The following UNC79 variants were observed in gnomAD, a reference collection of about 807,000 sequenced individuals.
UNC79 encodes protein unc-79 homolog.
Under a neutral mutation model 283.1 loss-of-function variants are expected in UNC79, and 37 were observed. The ratio of observed to expected loss-of-function variants is 0.13; its 90% confidence interval spans 0.10 to 0.17. The LOEUF (loss-of-function observed/expected upper bound fraction) is 0.17, where lower values mean the gene tolerates loss of function less well. UNC79 is among the 10% of genes least tolerant of loss of function. The pLI, the probability that UNC79 is intolerant of heterozygous loss-of-function variation, is 1.00. For synonymous variants in UNC79, 1,107 were observed against 1,200.2 expected (o/e 0.92, Z 1.61); for missense variants, 2,272 against 3,211.1 (o/e 0.71, Z 7.07).
chr14:93,607,988 A>T (rs1296832343), intron 26 of UNC79, among the ~76,000 whole-genome samples: 1 of 152,140 alleles, frequency 6.6e-6, no homozygotes. Flanking sequence ...TTGTTTGAAG[A>T]TATGTTTTTT....
intron 1 of UNC79, among the ~76,000 whole-genome samples, chr14:93,350,866 A>C (rs1415499405): frequency 6.6e-6 from 1 of 152,168 alleles, no homozygotes; most frequent in Non-Finnish European, 1.5e-5. Flanking sequence ...CCTAATACTA[A>C]AATGTTTTAT....
intron 1 of UNC79, among the ~76,000 whole-genome samples, chr14:93,373,492 A>T (rs2054496703): frequency 6.6e-6 from 1 of 152,202 alleles, no homozygotes; most frequent in African/African-American, 2.4e-5. Context: ...CATTAAAAGG[A>T]TAATAAAGGA....
intron 18 of UNC79, among the ~76,000 whole-genome samples, chr14:93,578,961 C>T (rs1308138034): frequency 6.6e-6 from 1 of 151,896 alleles, no homozygotes; most frequent in Non-Finnish European, 1.5e-5. Flanking sequence ...ATGTCCTTGA[C>T]TTTTTTTTAA....
intron 1 of UNC79, among the ~76,000 whole-genome samples, chr14:93,340,017 G>A (rs1402995702): frequency 6.6e-6 from 1 of 152,192 alleles, no homozygotes; most frequent in Non-Finnish European, 1.5e-5. Flanking sequence ...ATCAAAAAAT[G>A]TTTGACCTTG....
intron 1 of UNC79, among the ~76,000 whole-genome samples, chr14:93,445,144 A>G (rs2056426037): frequency 6.6e-6 from 1 of 152,162 alleles, no homozygotes. Context: ...TGTTGGTCTT[A>G]TATCCTGTAC....
chr14:93,683,878 T>C (rs1243827245), intron 42 of UNC79, among the ~76,000 whole-genome samples: 1 of 151,422 alleles, frequency 6.6e-6, no homozygotes, highest in East Asian at 1.9e-4. Flanking sequence ...CATCAGGGCA[T>C]GAAGGACATA....
intron 1 of UNC79, among the ~76,000 whole-genome samples, chr14:93,447,647 T>G (rs1259015894): frequency 6.6e-6 from 1 of 152,138 alleles, no homozygotes; most frequent in Non-Finnish European, 1.5e-5. Flanking sequence ...AAACTTTCCT[T>G]CGCATATTTT....
chr14:93,391,205 A>G (rs2054874846), intron 1 of UNC79, among the ~76,000 whole-genome samples: 1 of 152,210 alleles, frequency 6.6e-6, no homozygotes, highest in African/African-American at 2.4e-5. Flanking sequence ...CAGATTAAGG[A>G]TAGTCTTTTC....
Position 93,493,894 on chromosome 14 carries a change from TATATA to T in UNC79, c.713-2516_713-2512del, listed in dbSNP as rs1234799397. 7.0e-3 allele frequency among the ~76,000 whole-genome samples: 443 copies of T among 63,652 alleles called. 2 individuals carry two copies. Among genetic ancestry groups the T allele is most frequent in the African/African-American group, 0.01 (177 of 17,556 alleles). The allele number at this position is 63,652 out of a possible 152,430, so 41.8% of individuals were successfully genotyped here. ...TGCCACATATATATATATATATATA[TATATA>T]TATTTTTTTTTTTTTTTTTTTGAGA... is the stretch of plus-strand genomic sequence containing the variant. On this transcript the variant is annotated intron_variant, in intron 5 of 48. Coordinates refer to ENST00000555664, the Ensembl canonical transcript of UNC79.
At chr14:93,430,320 A>AG (rs1284063848), upstream of UNC79, 1 of 152,542 alleles carries the variant, frequency 6.6e-6, no homozygotes, top group African/African-American at 2.4e-5. The surrounding 1 kb of genome is among the most constrained non-coding windows in gnomAD (Gnocchi z 4.6). Flanking sequence ...CCCATCGCAG[A>AG]GGGGAGGCGA....
chr14:93,403,583 TAGAA>T (rs765406078), intron 1 of UNC79, among the ~76,000 whole-genome samples: 98 of 152,252 alleles, frequency 6.4e-4, no homozygotes, highest in African/African-American at 2.3e-3. Context: ...AGTCCTCAGA[TAGAA>T]AGTGCGTTTC....
intron 7 of UNC79, among the ~76,000 whole-genome samples, chr14:93,499,931 T>C (rs1412116716): frequency 6.6e-6 from 1 of 151,658 alleles, no homozygotes; most frequent in Non-Finnish European, 1.5e-5. Context: ...AGGCAGAAGA[T>C]AGCATGATAG....
chr14:93,586,541 A>G (rs1253098497), intron 20 of UNC79, 55 bp from the exon 21 acceptor site: 6 of 1,442,814 alleles, frequency 4.2e-6, no homozygotes, highest in African/African-American at 2.8e-5. Context: ...TAAATTGATG[A>G]ATGATGGGGG....
rs202056641 is a variant in UNC79 at position 93,637,216 on chromosome 14, A to T, written c.5717A>T (p.Lys1906Ile). Residue 1906 changes from lysine (K) to isoleucine (I), a missense_variant and splice_region_variant, in exon 32 of 49, where the codon AAA becomes ATA. Physicochemically the swap from Lys to Ile is moderately radical, Grantham distance 102. This residue lies in a region of UNC79 where 580 missense variants were observed against 632.2 expected (regional missense o/e 0.92). Transcript: ENST00000555664. ...ACTGAAACCCTCTATTTATCCACAG[A>T]ACAGATACAGCCTGGGAAACGCCAG... The T allele has an allele frequency of 2.6e-6, 3 of 1,169,524 alleles. No individual in the cohort carries two copies. The Admixed American group carries it at 5.0e-5, about 20-fold the overall frequency. 72.4% of individuals were successfully genotyped at this position (1,169,524 alleles called of 1,614,324 possible).
intron 14 of UNC79, among the ~76,000 whole-genome samples, chr14:93,566,471 G>A (rs752356629): frequency 6.6e-6 from 1 of 152,002 alleles, no homozygotes; most frequent in Non-Finnish European, 1.5e-5. Context: ...TAAAGGTAAG[G>A]TACACAGGTC....
chr14:93,475,951 G>T (rs1302454231), intron 3 of UNC79, among the ~76,000 whole-genome samples: 2 of 152,120 alleles, frequency 1.3e-5, no homozygotes, highest in African/African-American at 4.8e-5. Flanking sequence ...AGCTTAGAAG[G>T]TAGGAAAAAA....
At chr14:93,653,851 A>C in exon 36 of UNC79, 1 of 1,614,150 alleles carries the variant, frequency 6.2e-7, no homozygotes, top group Non-Finnish European at 8.5e-7. Flanking sequence ...AAGCACGATC[A>C]AAGGTAATTC....
chr14:93,569,394 G>T (rs1340203014), intron 14 of UNC79, among the ~76,000 whole-genome samples: 1 of 151,968 alleles, frequency 6.6e-6, no homozygotes, highest in Non-Finnish European at 1.5e-5. Flanking sequence ...CTGAAATCGC[G>T]CCATTGCACT....
chr14:93,346,053 C>T (rs552661444), intron 1 of UNC79, among the ~76,000 whole-genome samples: 131 of 151,448 alleles, frequency 8.6e-4, no homozygotes, highest in African/African-American at 3.1e-3. Flanking sequence ...GTTCTATAAC[C>T]ATTCAAATTA....
Sources: gnomAD v4.1 joint callset for allele counts (sites outside exome capture counted in the v4.1 genomes callset) on GRCh38, gnomAD v4.1.1 for gene constraint, gnomAD v4.1.1 regional missense constraint, Gnocchi (gnomAD v3.1) non-coding constraint, MANE v1.5 for transcripts, NCBI Gene and HGNC (gene_info 2026-07-23, HGNC 2026-07-21) for gene names.